The following ESRRG variants were observed in gnomAD, a reference collection of about 807,000 sequenced individuals.
ESRRG encodes the protein estrogen related receptor gamma.
A neutral mutation model predicts 44.0 loss-of-function variants in ESRRG; 13 were observed. The observed-to-expected ratio is 0.30, with a 90% confidence interval of 0.19 to 0.47. The LOEUF (loss-of-function observed/expected upper bound fraction) is 0.47, where lower values mean the gene tolerates loss of function less well. Among genes scored for constraint, ESRRG ranks in the 20% least tolerant of loss-of-function variants. The probability of loss-of-function intolerance (pLI) is 1.00; values close to 1 mark genes in which losing one functional copy is unlikely to be tolerated. For missense variants in ESRRG, 395 were observed against 580.6 expected (o/e 0.68, Z 3.29); for synonymous variants, 215 against 214.6 (o/e 1.00, Z -0.02).
chr1:216,988,015 T>G (rs981117416), intron 1 of ESRRG, among the ~76,000 whole-genome samples: 1 of 152,200 alleles, frequency 6.6e-6, no homozygotes, highest in Non-Finnish European at 1.5e-5. Flanking sequence ...CTGCCTTTCC[T>G]TCTCTGTCTT....
At chr1:216,731,863 C>T (rs566441320) in intron 2 of ESRRG, among the ~76,000 whole-genome samples, 275 of 152,066 alleles carry the variant, frequency 1.8e-3, no homozygotes, top group African/African-American at 6.4e-3. Flanking sequence ...ACTGTGTTAC[C>T]GAAAAGCAAG....
intron 3 of ESRRG, among the ~76,000 whole-genome samples, chr1:216,636,932 T>C (rs1278819012): frequency 1.3e-5 from 2 of 152,188 alleles, no homozygotes; most frequent in Admixed American, 1.3e-4. Context: ...TTCTGTTCCT[T>C]TTACTTTGTC....
chr1:216,612,912 G>A (rs2060868102), intron 3 of ESRRG, among the ~76,000 whole-genome samples: 1 of 152,146 alleles, frequency 6.6e-6, no homozygotes, highest in Admixed American at 6.5e-5. Context: ...TAAATACATG[G>A]GCCAGAATAA....
chr1:216,992,962 T>A (rs1306094085), intron 1 of ESRRG, among the ~76,000 whole-genome samples: 3 of 152,168 alleles, frequency 2.0e-5, no homozygotes, highest in Non-Finnish European at 4.4e-5. Flanking sequence ...CTCCATTTGA[T>A]CCCTCTCACT....
chr1:217,066,008 C>T (rs2089592962), intron 1 of ESRRG, among the ~76,000 whole-genome samples: 1 of 152,150 alleles, frequency 6.6e-6, no homozygotes, highest in South Asian at 2.1e-4. Context: ...ATTGTCCCTC[C>T]CCAGTGGCGT....
rs117914810 is a variant in ESRRG, at chr1:217,095,342, T to C, written c.-230+42325A>G. The stretch of plus-strand genomic sequence containing the variant: ...GACATGGGAAAATGAACCAGCCTTT[T>C]AGAAAGATTTGAATATTGATTTAAA... On this transcript the variant is annotated intron_variant, in intron 1 of 8. Transcript: ENST00000366940. Among the ~76,000 whole-genome samples, 1,293 of 152,362 alleles carry C rather than the reference T, an allele frequency of 8.5e-3. 19 individuals are homozygous for C. The highest frequency in any genetic ancestry group is 0.058 in the East Asian group (299 of 5,184).
intron 1 of ESRRG, among the ~76,000 whole-genome samples, chr1:216,700,146 G>T (rs2081111496): frequency 6.7e-6 from 1 of 149,792 alleles, no homozygotes; most frequent in Admixed American, 6.6e-5. Flanking sequence ...AACCTCACTA[G>T]CTTAGATACC....
Position 216,574,650 on chromosome 1 carries a change from T to A in ESRRG, c.590-6552A>T, listed in dbSNP as rs186188367. Among the ~76,000 whole-genome samples, 31 of 152,158 alleles carry A rather than the reference T, an allele frequency of 2.0e-4. 1 individual carries two copies. The highest frequency in any genetic ancestry group is 2.1e-4 in the Non-Finnish European group (14 of 68,000). ...CCAAATAAAAGCTTGCTGAAAAGCA[T>A]TAATTTATCTAGACCCATGGAATAG... On this transcript the variant is annotated intron_variant, in intron 3 of 6. Coordinates refer to ENST00000408911, the MANE Select transcript of ESRRG (RefSeq NM_001438.4).
chr1:216,866,630 G>C (rs565319783), intron 2 of ESRRG, among the ~76,000 whole-genome samples: 9 of 151,214 alleles, frequency 6.0e-5, no homozygotes, highest in Non-Finnish European at 1.3e-4. Context: ...GAGTGCAATG[G>C]TGCGGCCTCA....
At chr1:216,841,482 T>G (rs1577132099) in intron 2 of ESRRG, among the ~76,000 whole-genome samples, 1 of 152,274 alleles carries the variant, frequency 6.6e-6, no homozygotes, top group South Asian at 2.1e-4. Flanking sequence ...ACATGAACAC[T>G]GGGCAAAAAC....
chr1:216,856,430 T>A (rs1419749476), intron 2 of ESRRG, among the ~76,000 whole-genome samples: 1 of 151,426 alleles, frequency 6.6e-6, no homozygotes, highest in African/African-American at 2.4e-5. Context: ...AAGAAATTCA[T>A]CTTGACCTGA....
chr1:217,089,114 C>T (rs2092271963), intron 1 of ESRRG, among the ~76,000 whole-genome samples: 1 of 152,062 alleles, frequency 6.6e-6, no homozygotes, highest in African/African-American at 2.4e-5. Flanking sequence ...ACCCCTGCTC[C>T]ATATCCCCTC....
At chr1:216,523,983 C>A (rs1439525142) in intron 5 of ESRRG, among the ~76,000 whole-genome samples, 1 of 151,976 alleles carries the variant, frequency 6.6e-6, no homozygotes, top group African/African-American at 2.4e-5. Flanking sequence ...AAGCTAGATT[C>A]TTTTCTTTCC....
intron 5 of ESRRG, among the ~76,000 whole-genome samples, chr1:216,520,075 C>T (rs1252946584): frequency 6.6e-6 from 1 of 152,046 alleles, no homozygotes; most frequent in African/African-American, 2.4e-5. Flanking sequence ...AGCCTGGCCT[C>T]CCCACCAAAG....
chr1:217,060,649 T>A (rs1425066247), intron 1 of ESRRG, among the ~76,000 whole-genome samples: 1 of 152,100 alleles, frequency 6.6e-6, no homozygotes, highest in African/African-American at 2.4e-5. Flanking sequence ...CCACTCACTG[T>A]GCCATGCATA....
At chr1:216,589,234 G>T (rs2057228831) in intron 3 of ESRRG, among the ~76,000 whole-genome samples, 1 of 152,154 alleles carries the variant, frequency 6.6e-6, no homozygotes, top group Non-Finnish European at 1.5e-5. Flanking sequence ...GTGCAGATTT[G>T]CTTTGCAGGA....
At position 216,838,376 on chromosome 1, in the gene ESRRG, T is replaced by C. The variant is rs2095600967; in HGVS notation, c.-14+101206A>G. On this transcript the variant is annotated intron_variant, in intron 2 of 7. Transcript: ENST00000359162. ...ACATGAAGATCACACCACTGACAGT[T>C]GGCATTTACAAATTTGTCATTTTTC... is the stretch of plus-strand genomic sequence containing the variant. Among the ~76,000 whole-genome samples, 8 of 152,320 alleles carry C rather than the reference T, an allele frequency of 5.3e-5. No individual in the cohort carries two copies. The South Asian group carries it at 1.7e-3, about 32-fold the overall frequency.
chr1:216,800,349 A>ATT (rs2094579006), intron 2 of ESRRG, among the ~76,000 whole-genome samples: 1 of 152,138 alleles, frequency 6.6e-6, no homozygotes. Context: ...ACACTGAAAA[A>ATT]TTTGCAAAAG....
intron 1 of ESRRG, among the ~76,000 whole-genome samples, chr1:216,976,134 C>A (rs1416589591): frequency 6.6e-6 from 1 of 151,884 alleles, no homozygotes; most frequent in African/African-American, 2.4e-5. Context: ...TTAGTAGAGT[C>A]CTACATTAAT....
Sources: allele counts gnomAD v4.1 joint callset (sites outside exome capture counted in the v4.1 genomes callset), GRCh38; gene constraint gnomAD v4.1.1; transcripts MANE v1.5; gene names NCBI Gene and HGNC (gene_info 2026-07-23, HGNC 2026-07-21).